Variants in ZNF407 observed in about 807,000 individuals in gnomAD.
ZNF407 encodes the protein zinc finger protein 407.
ZNF407 carries 17 observed loss-of-function variants against 131.2 expected under a neutral mutation model. That is an observed-to-expected ratio of 0.13 (90% CI 0.09 to 0.19). The LOEUF is 0.19. Among genes scored for constraint, ZNF407 ranks in the 10% least tolerant of loss-of-function variants. ZNF407 has a pLI of 1.00. For synonymous variants in ZNF407, 1,156 were observed against 1,062.0 expected (o/e 1.09, Z -1.72); for missense variants, 2,681 against 2,830.6 (o/e 0.95, Z 1.20).
chr18:74,906,112 C>G (rs555054113), intron 7 of ZNF407, among the ~76,000 whole-genome samples: 2 of 152,150 alleles, frequency 1.3e-5, no homozygotes, highest in African/African-American at 4.8e-5. Flanking sequence ...TCTCTCTTCC[C>G]GTTTTCCTGC....
At chr18:74,800,620 A>G (rs1970003273) in intron 4 of ZNF407, among the ~76,000 whole-genome samples, 1 of 152,178 alleles carries the variant, frequency 6.6e-6, no homozygotes. Flanking sequence ...AAAGAATTAT[A>G]CGAAGATAAT....
chr18:74,774,259 A>G (rs910099894), intron 3 of ZNF407, among the ~76,000 whole-genome samples: 2 of 152,190 alleles, frequency 1.3e-5, no homozygotes, highest in African/African-American at 4.8e-5. Context: ...TAGCTAACTA[A>G]AATAGAAGGA....
At chr18:75,017,929 T>A (rs1175071532) in intron 8 of ZNF407, among the ~76,000 whole-genome samples, 1 of 152,168 alleles carries the variant, frequency 6.6e-6, no homozygotes, top group Non-Finnish European at 1.5e-5. Context: ...TGAGTTTTTT[T>A]AACTAATTTC....
At chr18:74,643,897 A>G (rs749271186) in intron 3 of ZNF407, among the ~76,000 whole-genome samples, 4 of 151,918 alleles carry the variant, frequency 2.6e-5, no homozygotes, top group Non-Finnish European at 5.9e-5. Context: ...TTAAGATACC[A>G]TTACCCCCTT....
At chr18:74,677,234 G>A (rs965107709) in intron 3 of ZNF407, among the ~76,000 whole-genome samples, 6 of 152,158 alleles carry the variant, frequency 3.9e-5, no homozygotes, top group Non-Finnish European at 5.9e-5. Flanking sequence ...GGGACCACAG[G>A]CATGTGCCTG....
At chr18:74,828,419 T>C (rs1970437712) in intron 4 of ZNF407, among the ~76,000 whole-genome samples, 1 of 152,202 alleles carries the variant, frequency 6.6e-6, no homozygotes. Flanking sequence ...ACATAGCTGT[T>C]ACTCTCCTGG....
chr18:74,751,580 T>G (rs1024289820), intron 3 of ZNF407, among the ~76,000 whole-genome samples: 10 of 151,736 alleles, frequency 6.6e-5, no homozygotes, highest in African/African-American at 2.4e-4. Flanking sequence ...TGTCCAAGTG[T>G]TCTCATTGTT....
At chr18:75,036,490 A>T (rs750562569) in intron 8 of ZNF407, among the ~76,000 whole-genome samples, 2 of 152,236 alleles carry the variant, frequency 1.3e-5, no homozygotes, top group Non-Finnish European at 2.9e-5. Flanking sequence ...ATGATTTATT[A>T]TCTGTCCCTT....
At position 74,676,593 on chromosome 18, in the gene ZNF407, T is replaced by C. The variant is rs531786785; in HGVS notation, c.4802+35471T>C. Among the ~76,000 whole-genome samples, 1,233 of 145,342 alleles carry C rather than the reference T, an allele frequency of 8.5e-3. 6 individuals are homozygous for C. The highest frequency in any genetic ancestry group is 0.013 in the Non-Finnish European group (832 of 66,196). ...CTGGGACTACAGGCGCCCACCACCG[T>C]GCCCGGGTAATTTTGTATTTTTAGT... On this transcript the variant is annotated intron_variant, in intron 3 of 8. Coordinates refer to ENST00000299687, the MANE Select transcript of ZNF407 (RefSeq NM_017757.3).
chr18:74,886,598 C>T (rs890378177), intron 6 of ZNF407, among the ~76,000 whole-genome samples: 11 of 152,128 alleles, frequency 7.2e-5, no homozygotes, highest in African/African-American at 2.7e-4. Flanking sequence ...CTCATAGTAG[C>T]ATGGATGAGC....
chr18:74,804,302 T>TAAA, intron 4 of ZNF407: 2 of 900,078 alleles, frequency 2.2e-6, no homozygotes, highest in Non-Finnish European at 2.8e-6. Context: ...ATCAATGAGT[T>TAAA]AAAAAAAAAA....
chr18:74,681,949 C>G (rs1368812347), intron 3 of ZNF407, among the ~76,000 whole-genome samples: 1 of 152,086 alleles, frequency 6.6e-6, no homozygotes, highest in Non-Finnish European at 1.5e-5. Flanking sequence ...TATAGAATGG[C>G]CTTTCTTATG....
At chr18:74,915,635 T>C (rs1199689400) in intron 7 of ZNF407, among the ~76,000 whole-genome samples, 27 of 128,414 alleles carry the variant, frequency 2.1e-4, no homozygotes, top group Non-Finnish European at 3.3e-5. Flanking sequence ...TGTGTGTGTG[T>C]GTGCGTGCAT....
At chr18:75,037,732 C>T (rs1973326023) in intron 8 of ZNF407, among the ~76,000 whole-genome samples, 1 of 152,050 alleles carries the variant, frequency 6.6e-6, no homozygotes, top group African/African-American at 2.4e-5. Context: ...TGAGCATTTG[C>T]CATGAAAGAC....
intron 8 of ZNF407, among the ~76,000 whole-genome samples, chr18:75,059,057 G>A (rs990656130): frequency 1.1e-4 from 17 of 152,182 alleles, no homozygotes; most frequent in Admixed American, 7.2e-4. Context: ...GGGCCTGTGC[G>A]TGTGCGGAGG....
intron 8 of ZNF407, among the ~76,000 whole-genome samples, chr18:74,985,528 A>G (rs1972642804): frequency 6.6e-6 from 1 of 152,244 alleles, no homozygotes; most frequent in Non-Finnish European, 1.5e-5. Context: ...CCTTAGGGAA[A>G]GCAAACAAAA....
chr18:74,687,920 C>G (rs1033765302), intron 3 of ZNF407, among the ~76,000 whole-genome samples: 7 of 151,896 alleles, frequency 4.6e-5, no homozygotes, highest in African/African-American at 1.7e-4. Flanking sequence ...TTAATTAATA[C>G]TTTTGTAGTA....
chr18:74,802,247 A>G (rs1356405757), intron 4 of ZNF407, among the ~76,000 whole-genome samples: 2 of 152,172 alleles, frequency 1.3e-5, no homozygotes, highest in East Asian at 3.8e-4. Context: ...TCAATTTGTA[A>G]ATGTGAGTTT....
intron 8 of ZNF407, among the ~76,000 whole-genome samples, chr18:74,966,981 C>T (rs1972416989): frequency 6.6e-6 from 1 of 152,092 alleles, no homozygotes; most frequent in Non-Finnish European, 1.5e-5. Flanking sequence ...AAGGTAGAGG[C>T]CAGACACAGT....
Sources: gnomAD v4.1 joint callset for allele counts (sites outside exome capture counted in the v4.1 genomes callset) on GRCh38, gnomAD v4.1.1 for gene constraint, MANE v1.5 for transcripts, NCBI Gene and HGNC (gene_info 2026-07-23, HGNC 2026-07-21) for gene names.